DHX32: variants seen among roughly 807,000 people sequenced by gnomAD.
The protein encoded by DHX32 is DEAH-box helicase 32 (putative).
DHX32 carries 51 observed loss-of-function variants against 70.0 expected under a neutral mutation model. The ratio of observed to expected loss-of-function variants is 0.73; its 90% CI spans 0.58 to 0.92. The LOEUF (loss-of-function observed/expected upper bound fraction) is 0.92. Ranked by LOEUF, DHX32 falls within the 40% of genes least tolerant of loss-of-function variation. The pLI is 0.00. For synonymous variants in DHX32, 310 were observed against 315.3 expected, an observed-to-expected ratio of 0.98 and a Z score of 0.18; for missense variants, 762 against 891.8, an observed-to-expected ratio of 0.85 and a Z score of 1.85.
chr10:125,895,125 A>C (rs1944438833), intron 1 of DHX32, among the ~76,000 whole-genome samples: 1 of 152,284 alleles, frequency 6.6e-6, no homozygotes, highest in Admixed American at 6.5e-5. Context: ...ATAGTCTGAG[A>C]GGGGGAAAAC....
Position 125,887,136 on chromosome 10 carries a change from T to C in DHX32, c.-247-6065A>G, listed in dbSNP as rs565257966. ...ATCTGATTGTATTTTACCATCGATATCATTCATAATCTAATAGGTCTTCTG... is the reference window on the plus strand; with the variant it reads ...ATCTGATTGTATTTTACCATCGATACCATTCATAATCTAATAGGTCTTCTG... On this transcript the variant is annotated intron_variant, in intron 1 of 2. Transcript: ENST00000415732. Among the ~76,000 whole-genome samples, 58 of 152,348 alleles carry C rather than the reference T, an allele frequency of 3.8e-4. No homozygotes were observed. The East Asian group carries it at 8.1e-3, about 21-fold the overall frequency.
In DHX32 at chr10:125,839,131, G is replaced by A. The variant is rs1406605286; in HGVS notation, c.1751C>T (p.Ala584Val). ...YFLNCSALRM[A>V]DVIRAELLEI... is the part of the protein sequence containing the mutation. ...TAAGAGTTCAGCTCGAATAACATCT[G>A]CCATTCTGAGTGCTGAACAGTTGAG... is the stretch of plus-strand genomic sequence containing the variant. The change falls in exon 9 of 11, where the codon GCA becomes GTA. Residue 584 changes from alanine (A) to valine (V), a missense_variant. Ala to Val is a moderately conservative substitution (Grantham distance 64). This residue lies in a region of DHX32 where 366 missense variants were observed against 402.6 expected (regional missense o/e 0.91). Transcript: ENST00000284690. The A allele has an allele frequency of 6.2e-7, 1 of 1,614,210 alleles. No individual in the cohort carries two copies.
chr10:125,876,749 T>C (rs1055245127), intron 1 of DHX32, among the ~76,000 whole-genome samples: 11 of 152,184 alleles, frequency 7.2e-5, no homozygotes, highest in Non-Finnish European at 1.6e-4. Context: ...GGGAGTTGTG[T>C]CAGATTAAAA....
intron 2 of DHX32, 28 bp from the exon 3 acceptor site, chr10:125,860,003 AT>A: frequency 6.6e-7 from 1 of 1,504,798 alleles, no homozygotes; most frequent in Non-Finnish European, 8.9e-7. Flanking sequence ...TAAAGTTAGA[AT>A]ATTCTTATGC....
chr10:125,861,537 A>G (rs1944188934), intron 2 of DHX32, among the ~76,000 whole-genome samples: 1 of 152,160 alleles, frequency 6.6e-6, no homozygotes, highest in Non-Finnish European at 1.5e-5. Flanking sequence ...TGTACAGGCA[A>G]TATGTTTTAC....
chr10:125,865,042 A>G, intron 2 of DHX32, among the ~76,000 whole-genome samples: 1 of 151,764 alleles, frequency 6.6e-6, no homozygotes, highest in Non-Finnish European at 1.5e-5. Context: ...TGACTACATT[A>G]AAGAATCCTT....
intron 3 of DHX32, among the ~76,000 whole-genome samples, chr10:125,857,154 C>A (rs1414751383): frequency 6.6e-6 from 1 of 152,144 alleles, no homozygotes; most frequent in African/African-American, 2.4e-5. Flanking sequence ...TTCCAAGACA[C>A]AAATCCCAAT....
At chr10:125,856,680 T>C (rs980899267) in intron 3 of DHX32, among the ~76,000 whole-genome samples, 2 of 152,180 alleles carry the variant, frequency 1.3e-5, no homozygotes, top group Non-Finnish European at 2.9e-5. Flanking sequence ...GTGCAGTGGC[T>C]CATGCCTATA....
chr10:125,863,122 C>T (rs1386677368), intron 2 of DHX32, among the ~76,000 whole-genome samples: 3 of 151,160 alleles, frequency 2.0e-5, no homozygotes, highest in Non-Finnish European at 4.4e-5. Flanking sequence ...TTGAGTTTAA[C>T]CTTAATGAAA....
intron 3 of DHX32, among the ~76,000 whole-genome samples, 164 bp downstream of exon 3, chr10:125,859,439 G>T (rs1029503778): frequency 1.3e-5 from 2 of 152,194 alleles, no homozygotes; most frequent in Non-Finnish European, 2.9e-5. Context: ...TGTGATTTTA[G>T]AAACACTTCC....
Position 125,854,131 on chromosome 10 carries a change from C to A in DHX32, c.922G>T (p.Val308Phe). The A allele has an allele frequency of 1.2e-6, 2 of 1,613,846 alleles. No homozygotes were observed. Among genetic ancestry groups the A allele is most frequent in the Non-Finnish European group, 1.7e-6 (2 of 1,179,950 alleles). The change falls in exon 4 of 11, where the codon GTT becomes TTT. Residue 308 changes from valine to phenylalanine, a missense_variant. Transcript: ENST00000284690. ...CATTTCTCTTTTGGATACAAAGGAACAACCACCAGTTCTCCAAGATCTGGG... is the reference window on the plus strand; with the variant it reads ...CATTTCTCTTTTGGATACAAAGGAAAAACCACCAGTTCTCCAAGATCTGGG... ...LNPDLGELVV[V>F]PLYPKEKCSL... is the part of the protein sequence containing the mutation.
At chr10:125,862,435 A>AT (rs113981487) in intron 2 of DHX32, among the ~76,000 whole-genome samples, 3,331 of 145,428 alleles carry the variant, frequency 0.023, 38 homozygotes, top group South Asian at 0.037. Context: ...CTAGTTTTCA[A>AT]TTTTTTTTTT....
Position 125,859,954 on chromosome 10 carries a change from C to A in DHX32, c.498G>T (p.Leu166=), listed in dbSNP as rs1276206280. Residue 166 remains leucine (L), a synonymous_variant, in exon 3 of 11, where the codon CTG becomes CTT. Transcript: ENST00000284690. ...AAGGATTGGACATCATTTCTCTTTG[C>A]AGCATATCATCAGTACAATACCTAT... is the stretch of plus-strand genomic sequence containing the variant. ...TILRYCTDDM[L]QREMMSNPFL... The A allele has an allele frequency of 6.2e-7, 1 of 1,604,480 alleles. No homozygotes were observed. The highest frequency in any genetic ancestry group is 8.5e-7 in the Non-Finnish European group (1 of 1,175,836).
intron 6 of DHX32, among the ~76,000 whole-genome samples, chr10:125,845,992 C>G (rs761647029): frequency 6.6e-6 from 1 of 152,228 alleles, no homozygotes; most frequent in Non-Finnish European, 1.5e-5. Context: ...TCACTCCCAC[C>G]GCCCAGGCCT....
chr10:125,884,425 A>G (rs1246850994), upstream of DHX32, among the ~76,000 whole-genome samples: 2 of 152,350 alleles, frequency 1.3e-5, no homozygotes, highest in African/African-American at 4.8e-5. Context: ...ACTACATTCC[A>G]CTATAAGAAA....
intron 1 of DHX32, among the ~76,000 whole-genome samples, chr10:125,872,557 G>A (rs1411315112): frequency 6.6e-6 from 1 of 152,104 alleles, no homozygotes; most frequent in African/African-American, 2.4e-5. Context: ...TGCAACCCTT[G>A]GATTTACGCA....
intron 3 of DHX32, 109 bp from the exon 4 acceptor site, chr10:125,854,312 G>A: frequency 8.8e-7 from 1 of 1,130,104 alleles, no homozygotes; most frequent in Non-Finnish European, 1.2e-6. Flanking sequence ...ACAGATACAG[G>A]GAAAGAAATC....
chr10:125,843,377 G>A (rs1483480627), intron 6 of DHX32, among the ~76,000 whole-genome samples: 3 of 152,114 alleles, frequency 2.0e-5, no homozygotes, highest in Admixed American at 6.5e-5. Context: ...TTGGGAGGCC[G>A]AGGCGGGAGG....
intron 6 of DHX32, among the ~76,000 whole-genome samples, chr10:125,850,211 C>T (rs559235667): frequency 1.3e-5 from 2 of 151,550 alleles, no homozygotes; most frequent in South Asian, 4.2e-4. Context: ...TCCTGGCCCT[C>T]AAGCAGTTCT....
Sources: gnomAD v4.1 joint callset for allele counts (sites outside exome capture counted in the v4.1 genomes callset) on GRCh38, gnomAD v4.1.1 for gene constraint, gnomAD v4.1.1 regional missense constraint, MANE v1.5 for transcripts, NCBI Gene and HGNC (gene_info 2026-07-23, HGNC 2026-07-21) for gene names.